Variants in ITFG2 observed in about 807,000 individuals in gnomAD.
ITFG2 encodes KICSTOR complex protein ITFG2.
ITFG2 carries 36 observed loss-of-function variants against 54.4 expected under a neutral mutation model. That is an observed-to-expected ratio of 0.66 (90% CI 0.51 to 0.87). The LOEUF (loss-of-function observed/expected upper bound fraction) is 0.87, where lower values mean the gene tolerates loss of function less well. ITFG2 is among the 40% of genes least tolerant of loss of function. The pLI is 0.00. For synonymous variants in ITFG2, 211 were observed against 225.4 expected (o/e 0.94, Z 0.57); for missense variants, 524 against 576.7 (o/e 0.91, Z 0.94).
intron 3 of ITFG2, chr12:2,859,360 T>C: frequency 6.2e-7 from 1 of 1,613,424 alleles, no homozygotes; most frequent in Non-Finnish European, 8.5e-7. Context: ...ACACACCGGG[T>C]TGGGGACCTA....
upstream of ITFG2, chr12:2,835,192 A>AGT (rs2098023657): frequency 2.0e-6 from 1 of 491,260 alleles, no homozygotes; most frequent in Non-Finnish European, 2.3e-6. Context: ...TGTGTGTGTG[A>AGT]GAGAGAGAGA....
At chr12:2,837,165 C>A (rs2098030061) in intron 1 of ITFG2, among the ~76,000 whole-genome samples, 1 of 151,940 alleles carries the variant, frequency 6.6e-6, no homozygotes, top group African/African-American at 2.4e-5. Context: ...AACGCTGTCT[C>A]CACTAAAAAT....
chr12:2,853,947 C>A (rs1353421215), intron 2 of ITFG2, among the ~76,000 whole-genome samples: 5 of 152,202 alleles, frequency 3.3e-5, no homozygotes, highest in Admixed American at 2.6e-4. Flanking sequence ...CCCCATGAGG[C>A]CTTCCTGTGG....
chr12:2,855,098 G>A (rs975383869), intron 2 of ITFG2: 1 of 1,535,632 alleles, frequency 6.5e-7, no homozygotes, highest in Non-Finnish European at 8.7e-7. Flanking sequence ...CAGGAGGGAG[G>A]GGGGATGGGG....
At chr12:2,857,240 CA>C in intron 2 of ITFG2, 1 of 580,648 alleles carries the variant, frequency 1.7e-6, no homozygotes, top group South Asian at 2.1e-5. Context: ...GTTCTGACTG[CA>C]AAAAACTGTA....
Position 2,815,491 on chromosome 12 carries a change from C to T in ITFG2, c.97-1732C>T, listed in dbSNP as rs965595299. Among the ~76,000 whole-genome samples, 17 of 152,260 alleles carry T rather than the reference C, an allele frequency of 1.1e-4. 1 individual carries two copies. Among genetic ancestry groups the T allele is most frequent in the South Asian group, 6.2e-4 (3 of 4,834 alleles). On this transcript the variant is annotated intron_variant, in intron 1 of 11. Coordinates refer to ENST00000228799, the MANE Select transcript of ITFG2 (RefSeq NM_018463.4). ...GAGCAGCCCCTTCAGGCTCTGCCCCCTCAGGCCCCACCATCCTTTGTGGTT... is the reference window on the plus strand; with the variant it reads ...GAGCAGCCCCTTCAGGCTCTGCCCCTTCAGGCCCCACCATCCTTTGTGGTT...
At chr12:2,820,450 T>A (rs2153924460) in intron 5 of ITFG2, among the ~76,000 whole-genome samples, 1 of 152,032 alleles carries the variant, frequency 6.6e-6, no homozygotes, top group African/African-American at 2.4e-5. Flanking sequence ...AGTGTGAAGG[T>A]AGGTGTGGAG....
chr12:2,855,308 T>C, intron 2 of ITFG2: 1 of 1,531,154 alleles, frequency 6.5e-7, no homozygotes, highest in Non-Finnish European at 8.7e-7. Context: ...TTCATATCTG[T>C]GCAGGGCGGC....
In ITFG2 at chr12:2,845,423, T is replaced by C. The variant is rs904195586; in HGVS notation, n.300+4428T>C. 2.0e-5 allele frequency among the ~76,000 whole-genome samples: 3 copies of C among 152,160 alleles called. No homozygotes were observed. The highest frequency in any genetic ancestry group is 4.8e-5 in the African/African-American group (2 of 41,440). ...TTCCCAGTCCCCACAGCTTCCCGAC[T>C]CCCTGGCCCCAGCCATTCCTCAAGC... On this transcript the variant is annotated intron_variant and non_coding_transcript_variant, in intron 2 of 3. Transcript: ENST00000537710. The surrounding 1 kb of genome is among the most constrained non-coding windows in gnomAD (Gnocchi z 4.2).
At chr12:2,819,378 G>A (rs768911687) in intron 4 of ITFG2, among the ~76,000 whole-genome samples, 2 of 151,970 alleles carry the variant, frequency 1.3e-5, no homozygotes, top group Non-Finnish European at 2.9e-5. Context: ...TGAGGCAGGA[G>A]AATGGCATGA....
rs1178403723 is a variant in ITFG2, at chr12:2,821,874, C to T, written c.948+82C>T. On this transcript the variant is annotated intron_variant, in intron 9 of 11. Coordinates refer to ENST00000228799, the MANE Select transcript of ITFG2 (RefSeq NM_018463.4). ...AGATTTGGAATAATCAGGCTATTCT[C>T]ACATCCCAGGGAACTCCCAACCTTT... The T allele has an allele frequency of 4.0e-6, 4 of 1,008,688 alleles. No homozygotes were observed. In the East Asian group the frequency reaches 7.2e-5, roughly 18 times the overall value. The allele number at this position is 1,008,688 out of a possible 1,614,324, so 62.5% of individuals were successfully genotyped here.
At chr12:2,821,001 C>T (rs1392713676) in intron 6 of ITFG2, 129 bp downstream of exon 6, 7 of 957,916 alleles carry the variant, frequency 7.3e-6, no homozygotes, top group African/African-American at 3.3e-5. Context: ...ACCCAAGCAC[C>T]TTTGCCCCAC....
At chr12:2,830,919 T>C, downstream of ITFG2, 1 of 1,570,512 alleles carries the variant, frequency 6.4e-7, no homozygotes, top group Non-Finnish European at 8.6e-7. Flanking sequence ...TCCAGGCTGC[T>C]CAGTTACCCC....
intron 2 of ITFG2, chr12:2,848,956 C>G: frequency 2.2e-6 from 1 of 455,692 alleles, no homozygotes; most frequent in Non-Finnish European, 3.9e-6. Flanking sequence ...TGGAGCCCCT[C>G]CCTGTTCTCC....
chr12:2,833,529 C>T (rs1331637654), upstream of ITFG2, among the ~76,000 whole-genome samples: 2 of 151,880 alleles, frequency 1.3e-5, no homozygotes, highest in South Asian at 2.1e-4. Context: ...TTCAGGTTCC[C>T]GGGGAGAAGC....
At chr12:2,817,708 A>T in intron 2 of ITFG2, 1 of 537,132 alleles carries the variant, frequency 1.9e-6, no homozygotes, top group Non-Finnish European at 3.3e-6. Context: ...TAACCGCCTC[A>T]GGTCTTCATG....
chr12:2,817,690 G>T (rs1179951316), intron 2 of ITFG2: 2 of 522,700 alleles, frequency 3.8e-6, no homozygotes, highest in Non-Finnish European at 6.7e-6. Context: ...TTTAAGTGCA[G>T]GTTGTCTTAA....
At chr12:2,816,885 A>G (rs946655319) in intron 1 of ITFG2, among the ~76,000 whole-genome samples, 37 of 150,032 alleles carry the variant, frequency 2.5e-4, no homozygotes, top group African/African-American at 8.6e-4. Context: ...CAACCAACCA[A>G]TCCACCCGCC....
At chr12:2,817,768 G>A (rs1192830186) in intron 2 of ITFG2, 141 bp from the exon 3 acceptor site, 2 of 761,966 alleles carry the variant, frequency 2.6e-6, no homozygotes, top group East Asian at 5.1e-5. Flanking sequence ...CGTTAATAAA[G>A]ACCATCACCA....
Sources: allele counts gnomAD v4.1 joint callset (sites outside exome capture counted in the v4.1 genomes callset), GRCh38; gene constraint gnomAD v4.1.1; non-coding constraint Gnocchi (gnomAD v3.1); transcripts MANE v1.5; gene names NCBI Gene and HGNC (gene_info 2026-07-23, HGNC 2026-07-21).